The following SMCHD1 variants were observed in gnomAD, a reference collection of about 807,000 sequenced individuals.
SMCHD1 encodes the protein structural maintenance of chromosomes flexible hinge domain-containing protein 1.
A neutral mutation model predicts 254.7 loss-of-function variants in SMCHD1; 78 were observed. The ratio of observed to expected loss-of-function variants is 0.31; its 90% confidence interval spans 0.26 to 0.37. SMCHD1 has a LOEUF of 0.37. Among genes scored for constraint, SMCHD1 ranks in the 10% least tolerant of loss-of-function variants. The pLI, the probability that SMCHD1 is intolerant of heterozygous loss-of-function variation, is 1.00. For missense variants in SMCHD1, 1,840 were observed against 2,408.1 expected (o/e 0.76, Z 4.94); for synonymous variants, 766 against 794.9 (o/e 0.96, Z 0.61).
intron 5 of SMCHD1, among the ~76,000 whole-genome samples, chr18:2,684,425 C>T (rs1046679506): frequency 4.6e-5 from 7 of 151,976 alleles, no homozygotes; most frequent in African/African-American, 1.7e-4. Context: ...TATATTCATT[C>T]TAGCTTTCTT....
intron 45 of SMCHD1, among the ~76,000 whole-genome samples, chr18:2,792,989 G>T (rs1413227936): frequency 6.6e-6 from 1 of 152,216 alleles, no homozygotes; most frequent in Non-Finnish European, 1.5e-5. Flanking sequence ...TTTGAAGCAA[G>T]TCAAAGCAGA....
intron 27 of SMCHD1, among the ~76,000 whole-genome samples, 184 bp from the exon 28 acceptor site, chr18:2,740,519 T>C (rs2075329562): frequency 6.6e-6 from 1 of 152,184 alleles, no homozygotes; most frequent in Non-Finnish European, 1.5e-5. Flanking sequence ...AATATGCTTA[T>C]GTAAATTCTT....
At chr18:2,784,707 T>G in intron 45 of SMCHD1, 86 bp downstream of exon 45, 1 of 1,370,180 alleles carries the variant, frequency 7.3e-7, no homozygotes, top group South Asian at 1.4e-5. Context: ...GAATCTAACA[T>G]GAAAAATTAA....
At chr18:2,673,239 T>C in intron 3 of SMCHD1, 42 bp from the exon 4 acceptor site, 2 of 1,540,980 alleles carry the variant, frequency 1.3e-6, no homozygotes, top group Non-Finnish European at 1.8e-6. Context: ...ATAAAGTATG[T>C]GGGAGGGAAA....
chr18:2,655,991 G>A lies in SMCHD1; in HGVS notation c.-85G>A. ...AGGCCTCGAGCCGCCCCGGGAGCTG[G>A]AGCTGAAGGCGCCGCGCGGAGCGCG... On this transcript the variant is annotated 5_prime_UTR_variant, in exon 1 of 48. Transcript: ENST00000320876. 13 of 1,152,960 alleles carry A rather than the reference G, an allele frequency of 1.1e-5. No homozygotes were observed. The highest frequency in any genetic ancestry group is 1.4e-5 in the Non-Finnish European group (13 of 913,440). The allele number at this position is 1,152,960 out of a possible 1,614,324, so 71.4% of individuals were successfully genotyped here.
chr18:2,705,902 C>T, intron 14 of SMCHD1, 95 bp downstream of exon 14: 1 of 659,780 alleles, frequency 1.5e-6, no homozygotes. Flanking sequence ...GACTAGTTTT[C>T]CATTGGATAA....
chr18:2,670,843 G>C (rs901690925), intron 3 of SMCHD1, among the ~76,000 whole-genome samples: 1 of 148,888 alleles, frequency 6.7e-6, no homozygotes, highest in Non-Finnish European at 1.5e-5. Flanking sequence ...GGAGCTTGTA[G>C]TGAGCTGAGA....
chr18:2,706,439 G>A lies in SMCHD1; in HGVS notation c.2032G>A (p.Val678Ile). Residue 678 changes from valine (V) to isoleucine (I), a missense_variant, in exon 15 of 48, where the codon GTT becomes ATT. By Grantham distance (29) the Val-to-Ile change is conservative. Around this residue, in one of 9 missense-constraint regions of SMCHD1, gnomAD observed 498 missense variants for 743.5 expected, o/e 0.67. Transcript: ENST00000320876. ...KLDRTVAEKA[V>I]KKYVEDEMAR... ...GGATAGGACAGTTGCTGAGAAAGCT[G>A]TTAAAAAATATGTAGAAGATGAAAT... 4 of 1,590,358 alleles carry A rather than the reference G, an allele frequency of 2.5e-6. No individual in the cohort carries two copies. The highest frequency in any genetic ancestry group is 3.4e-6 in the Non-Finnish European group (4 of 1,167,754).
intron 5 of SMCHD1, among the ~76,000 whole-genome samples, chr18:2,678,227 C>CTT (rs375425079): frequency 0.62 from 81,652 of 131,406 alleles, 26,196 homozygotes; most frequent in Non-Finnish European, 0.73. Flanking sequence ...CTTTCTTTTT[C>CTT]TTTCTTTCTT....
intron 47 of SMCHD1, among the ~76,000 whole-genome samples, chr18:2,797,917 C>CA (rs1046312233): frequency 8.3e-5 from 12 of 145,454 alleles, no homozygotes; most frequent in South Asian, 4.3e-4. Context: ...AACTCCGTCT[C>CA]AAAAAAAAAG....
chr18:2,717,273 C>T (rs897429635), intron 17 of SMCHD1, among the ~76,000 whole-genome samples: 1 of 152,230 alleles, frequency 6.6e-6, no homozygotes. Context: ...CCTTCTCACA[C>T]AGAGGATTCA....
At chr18:2,765,793 T>C (rs2075856280) in intron 37 of SMCHD1, among the ~76,000 whole-genome samples, 1 of 152,214 alleles carries the variant, frequency 6.6e-6, no homozygotes, top group Non-Finnish European at 1.5e-5. Context: ...TTCTTCCTTT[T>C]TTATTATAGT....
intron 29 of SMCHD1, among the ~76,000 whole-genome samples, chr18:2,746,175 T>A (rs1395591263): frequency 1.3e-5 from 2 of 151,882 alleles, no homozygotes; most frequent in African/African-American, 2.4e-5. Context: ...AGTAAAAAAA[T>A]AAAATAAAAT....
chr18:2,736,068 C>A (rs905974253), intron 25 of SMCHD1, among the ~76,000 whole-genome samples: 8 of 152,176 alleles, frequency 5.3e-5, no homozygotes, highest in African/African-American at 1.9e-4. Flanking sequence ...AACACATAGA[C>A]CAGTGGAGGA....
intron 45 of SMCHD1, among the ~76,000 whole-genome samples, chr18:2,785,445 G>A (rs1011174690): frequency 2.0e-5 from 3 of 151,784 alleles, no homozygotes; most frequent in Admixed American, 6.6e-5. Flanking sequence ...TCAGGAGATC[G>A]AGCCCATCTT....
At chr18:2,751,500 G>T in intron 33 of SMCHD1, 107 bp downstream of exon 33, 2 of 636,610 alleles carry the variant, frequency 3.1e-6, no homozygotes, top group Non-Finnish European at 5.4e-6. Context: ...TTTGAGAAAT[G>T]GAAGTGAATT....
Position 2,803,080 on chromosome 18 carries a change from C to T in SMCHD1, c.*528C>T, listed in dbSNP as rs559321582. ...ATTCAGGATAAAAATTTTAAAAGCA[C>T]AGGTATTTGGGAATTGAAATGTTAA... is the stretch of plus-strand genomic sequence containing the variant. On this transcript the variant is annotated 3_prime_UTR_variant, in exon 48 of 48. Coordinates refer to ENST00000320876, the MANE Select transcript of SMCHD1 (RefSeq NM_015295.3). The T allele has an allele frequency of 2.0e-5, 3 of 151,644 alleles. No individual in the cohort carries two copies. The East Asian group carries it at 5.8e-4, about 29-fold the overall frequency. The allele number at this position is 151,644 out of a possible 1,614,324, so 9.4% of individuals were successfully genotyped here.
chr18:2,678,213 C>CTT (rs1355595305), intron 5 of SMCHD1, among the ~76,000 whole-genome samples: 2 of 33,046 alleles, frequency 6.1e-5, no homozygotes, highest in Non-Finnish European at 2.4e-4. Flanking sequence ...TCTTTCTTTT[C>CTT]TTTCTTTCTT....
In SMCHD1 at chr18:2,700,778, A is replaced by G; in HGVS notation, c.1507A>G (p.Ile503Val). ...TPPKKRGLAP[I>V]ECYNRISGAL... ...TCCTAAGAAGAGAGGGCTTGCACCA[A>G]TTGAATGCTACAATAGGATATCTGG... is the stretch of plus-strand genomic sequence containing the variant. Residue 503 changes from isoleucine (I) to valine (V), a missense_variant, in exon 12 of 48, where the codon ATT becomes GTT. Physicochemically the swap from Ile to Val is conservative, Grantham distance 29. Around this residue, in one of 9 missense-constraint regions of SMCHD1, gnomAD observed 498 missense variants for 743.5 expected, o/e 0.67. Transcript: ENST00000320876. 3.1e-6 allele frequency: 5 copies of G among 1,613,218 alleles called. No homozygotes were observed. Among genetic ancestry groups the G allele is most frequent in the African/African-American group, 1.3e-5 (1 of 75,030 alleles).
Sources: gnomAD v4.1 joint callset for allele counts (sites outside exome capture counted in the v4.1 genomes callset) on GRCh38, gnomAD v4.1.1 for gene constraint, gnomAD v4.1.1 regional missense constraint, MANE v1.5 for transcripts, NCBI Gene and HGNC (gene_info 2026-07-23, HGNC 2026-07-21) for gene names.